Variants in PTPRJ observed in about 807,000 individuals in gnomAD.
PTPRJ encodes receptor-type tyrosine-protein phosphatase eta.
PTPRJ carries 129 observed loss-of-function variants against 141.3 expected under a neutral mutation model. The observed-to-expected ratio is 0.91, with a 90% CI of 0.79 to 1.06. The LOEUF (loss-of-function observed/expected upper bound fraction) is 1.06, where lower values mean the gene tolerates loss of function less well. Ranked by LOEUF, PTPRJ falls within the 50% of genes least tolerant of loss-of-function variation. The pLI is 0.00. For missense variants in PTPRJ, 1,601 were observed against 1,679.7 expected, an observed-to-expected ratio of 0.95 and a Z score of 0.82; for synonymous variants, 610 against 640.5, an observed-to-expected ratio of 0.95 and a Z score of 0.72.
chr11:48,032,191 C>T (rs960519529), intron 1 of PTPRJ, among the ~76,000 whole-genome samples: 5 of 152,178 alleles, frequency 3.3e-5, no homozygotes, highest in African/African-American at 1.2e-4. Flanking sequence ...TGCCAGGTTG[C>T]TTCCCCTAGC....
chr11:48,106,595 A>T (rs1400596701), intron 1 of PTPRJ, among the ~76,000 whole-genome samples: 1 of 152,064 alleles, frequency 6.6e-6, no homozygotes, highest in African/African-American at 2.4e-5. Flanking sequence ...TGTCAGAGAG[A>T]GGGGAAGAGG....
At chr11:48,090,557 AG>A (rs939904330) in intron 1 of PTPRJ, among the ~76,000 whole-genome samples, 2 of 152,196 alleles carry the variant, frequency 1.3e-5, no homozygotes, top group Non-Finnish European at 2.9e-5. Flanking sequence ...GACTAGCAGT[AG>A]GTACACGTGG....
intron 4 of PTPRJ, among the ~76,000 whole-genome samples, chr11:48,122,502 C>T (rs1228981042): frequency 6.6e-6 from 1 of 152,178 alleles, no homozygotes; most frequent in Non-Finnish European, 1.5e-5. Flanking sequence ...ATTTTGTCCT[C>T]ACAGTAACCC....
rs970052910 is a variant in PTPRJ, at chr11:47,980,687, GC to G, written c.-219del. ...AAGCCCCTGCGCGCTCAGGGACGCG[GC>G]CCCCCCGCGGCAGCCGCGCTAGGCT... On this transcript the variant is annotated 5_prime_UTR_variant, in exon 1 of 25. Transcript: ENST00000418331. 6 of 989,906 alleles carry G rather than the reference GC, an allele frequency of 6.1e-6. No individual in the cohort carries two copies. Among genetic ancestry groups the G allele is most frequent in the South Asian group, 4.7e-5 (1 of 21,388 alleles). The allele number at this position is 989,906 out of a possible 1,614,324, so 61.3% of individuals were successfully genotyped here. A position where few individuals can be genotyped will look rare whatever the true frequency, so the allele number is the denominator to read the frequency against.
At chr11:48,011,018 G>T (rs1207921745) in intron 1 of PTPRJ, among the ~76,000 whole-genome samples, 1 of 152,082 alleles carries the variant, frequency 6.6e-6, no homozygotes, top group Non-Finnish European at 1.5e-5. Flanking sequence ...GGTGAGCAGG[G>T]TGGGTGCACT....
At chr11:48,163,001 T>G (rs577729412) in intron 22 of PTPRJ, among the ~76,000 whole-genome samples, 1 of 152,316 alleles carries the variant, frequency 6.6e-6, no homozygotes, top group East Asian at 1.9e-4. Flanking sequence ...AAGGCACTGA[T>G]TATCATGGTG....
At chr11:48,006,613 C>T (rs1399348390) in intron 1 of PTPRJ, among the ~76,000 whole-genome samples, 1 of 152,160 alleles carries the variant, frequency 6.6e-6, no homozygotes, top group East Asian at 1.9e-4. Context: ...TGTCAGCAGC[C>T]CCCTTCCATC....
rs201977385 is a variant in PTPRJ at position 48,110,066 on chromosome 11, C to T, written c.105C>T (p.Cys35=). ...TTCTTTTTCTGTTTCAGATCCTGTG[C>T]GCAGGTGGCAGTGAGTACCCTTTTC... The part of the protein sequence containing the change: ...LLLLRLGQIL[C]AGGTPSPIPD... The change falls in exon 2 of 25, where the codon TGC becomes TGT. Residue 35 remains cysteine (C), a synonymous_variant. Transcript: ENST00000418331. The T allele has an allele frequency of 3.6e-4, 583 of 1,613,880 alleles. No individual in the cohort carries two copies. Among genetic ancestry groups the T allele is most frequent in the South Asian group, 1.1e-3 (98 of 91,064 alleles).
At chr11:48,051,377 G>T (rs573269899) in intron 1 of PTPRJ, among the ~76,000 whole-genome samples, 1 of 152,190 alleles carries the variant, frequency 6.6e-6, no homozygotes, top group East Asian at 1.9e-4. Flanking sequence ...TTACAGGCGT[G>T]AGCCATTGCA....
chr11:48,138,275 C>A (rs1250942893), intron 10 of PTPRJ, among the ~76,000 whole-genome samples: 1 of 152,198 alleles, frequency 6.6e-6, no homozygotes, highest in Non-Finnish European at 1.5e-5. Flanking sequence ...GGTCTAGACA[C>A]CCATCTTTGA....
intron 1 of PTPRJ, among the ~76,000 whole-genome samples, chr11:48,060,029 G>T (rs1042491315): frequency 6.6e-6 from 1 of 152,202 alleles, no homozygotes; most frequent in Non-Finnish European, 1.5e-5. Flanking sequence ...CTCTGTGGAA[G>T]GGAGGTTTTG....
chr11:48,074,449 G>A (rs754819600), intron 1 of PTPRJ, among the ~76,000 whole-genome samples: 1 of 152,120 alleles, frequency 6.6e-6, no homozygotes, highest in East Asian at 1.9e-4. Context: ...TTAATAGACA[G>A]TATTTAGATT....
At chr11:48,152,121 T>C (rs1026418972) in intron 18 of PTPRJ, among the ~76,000 whole-genome samples, 1 of 152,232 alleles carries the variant, frequency 6.6e-6, no homozygotes, top group African/African-American at 2.4e-5. Flanking sequence ...GTTTCCTGAC[T>C]TTTTAATGAT....
chr11:48,036,831 A>T (rs1854137683), intron 1 of PTPRJ, among the ~76,000 whole-genome samples: 1 of 152,164 alleles, frequency 6.6e-6, no homozygotes, highest in Non-Finnish European at 1.5e-5. Context: ...AACCAGGCAG[A>T]TACTGCTCCA....
intron 1 of PTPRJ, among the ~76,000 whole-genome samples, chr11:48,104,805 T>A (rs1391009377): frequency 6.6e-6 from 1 of 152,188 alleles, no homozygotes; most frequent in African/African-American, 2.4e-5. Flanking sequence ...ATGGTCTCAG[T>A]TGAGACCTGC....
At chr11:48,076,945 G>A (rs1209439532) in intron 1 of PTPRJ, among the ~76,000 whole-genome samples, 2 of 151,924 alleles carry the variant, frequency 1.3e-5, no homozygotes, top group Non-Finnish European at 1.5e-5. Flanking sequence ...TCAGCTCACT[G>A]CAACCTCCAC....
chr11:48,095,420 T>A (rs1221552348), intron 1 of PTPRJ, among the ~76,000 whole-genome samples: 1 of 152,146 alleles, frequency 6.6e-6, no homozygotes, highest in Non-Finnish European at 1.5e-5. Flanking sequence ...AATAATGATC[T>A]TCAACTGGGT....
intron 3 of PTPRJ, 117 bp downstream of exon 3, chr11:48,113,100 A>T (rs1359712720): frequency 2.0e-5 from 17 of 847,650 alleles, no homozygotes; most frequent in Non-Finnish European, 2.0e-5. Context: ...CTTTTTAAAA[A>T]TTTTTATAAA....
intron 21 of PTPRJ, among the ~76,000 whole-genome samples, chr11:48,156,575 GGTTTTTTTTTTT>G (rs1857610775): frequency 8.1e-6 from 1 of 123,542 alleles, no homozygotes; most frequent in African/African-American, 3.0e-5. Flanking sequence ...TCCACCCCAG[GGTTTTTTTTTTT>G]TTTTTTTTTT....
Sources: allele counts gnomAD v4.1 joint callset (sites outside exome capture counted in the v4.1 genomes callset), GRCh38; gene constraint gnomAD v4.1.1; transcripts MANE v1.5; gene names NCBI Gene and HGNC (gene_info 2026-07-23, HGNC 2026-07-21).